The following ATP11A variants were observed in gnomAD, a reference collection of about 807,000 sequenced individuals.
The protein encoded by ATP11A is phospholipid-transporting ATPase IH.
ATP11A carries 81 observed loss-of-function variants against 154.4 expected under a neutral mutation model. The ratio of observed to expected loss-of-function variants is 0.52; its 90% CI spans 0.44 to 0.63. The LOEUF is 0.63. ATP11A is among the 30% of genes least tolerant of loss of function. ATP11A has a pLI of 0.00. For synonymous variants in ATP11A, 623 were observed against 585.9 expected (o/e 1.06, Z -0.91); for missense variants, 1,316 against 1,474.3 (o/e 0.89, Z 1.76).
intron 28 of ATP11A, among the ~76,000 whole-genome samples, chr13:112,877,400 C>G (rs1047509455): frequency 6.6e-6 from 1 of 152,224 alleles, no homozygotes; most frequent in African/African-American, 2.4e-5. Context: ...TGCAGTTCCA[C>G]AGCGGGCACA....
chr13:112,691,714 A>T (rs1331351283), intron 1 of ATP11A, among the ~76,000 whole-genome samples: 1 of 152,110 alleles, frequency 6.6e-6, no homozygotes, highest in African/African-American at 2.4e-5. Context: ...TTTCATATTT[A>T]TGAGCCTTCT....
Position 112,885,088 on chromosome 13 carries a change from C to T in ATP11A, c.*3222C>T, listed in dbSNP as rs1475536576. On this transcript the variant is annotated 3_prime_UTR_variant, in exon 30 of 30. Transcript: ENST00000375645. Reference sequence around the variant, plus strand: ...GAGCTCCTACACGCATACACACACACACGTGTACATGCACCAAAGCATGTG... The same window carrying T: ...GAGCTCCTACACGCATACACACACATACGTGTACATGCACCAAAGCATGTG... 6.6e-6 allele frequency: 1 copy of T among 152,224 alleles called. No individual in the cohort carries two copies. Among genetic ancestry groups the T allele is most frequent in the Non-Finnish European group, 1.5e-5 (1 of 68,072 alleles). The allele number at this position is 152,224 out of a possible 1,614,324, so 9.4% of individuals were successfully genotyped here. A position where few individuals can be genotyped will look rare whatever the true frequency, so the allele number is the denominator to read the frequency against.
At chr13:112,832,456 C>T (rs1436276841) in intron 13 of ATP11A, among the ~76,000 whole-genome samples, 1 of 152,200 alleles carries the variant, frequency 6.6e-6, no homozygotes, top group African/African-American at 2.4e-5. Context: ...AGGAGAACGT[C>T]CCCATCGCAC....
intron 2 of ATP11A, among the ~76,000 whole-genome samples, chr13:112,799,174 C>T (rs934672677): frequency 1.1e-4 from 17 of 152,164 alleles, no homozygotes; most frequent in African/African-American, 3.9e-4. Flanking sequence ...ACGGATAGAA[C>T]TGGAAAGAGA....
rs1254259278 is a variant in ATP11A, at chr13:112,875,036, C to T, written c.3162-740C>T. On this transcript the variant is annotated intron_variant, in intron 27 of 29. Coordinates refer to ENST00000375645, the MANE Select transcript of ATP11A (RefSeq NM_015205.3). The surrounding 1 kb of genome is among the most constrained non-coding windows in gnomAD (Gnocchi z 4.1). ...CACCGCTTGGTGATGAGACCCCATC[C>T]TCCTGCCCGCCACCAGCACCACGTG... Among the ~76,000 whole-genome samples, 2 of 152,334 alleles carry T rather than the reference C, an allele frequency of 1.3e-5. No individual in the cohort carries two copies. Among genetic ancestry groups the T allele is most frequent in the South Asian group, 2.1e-4 (1 of 4,826 alleles).
intron 5 of ATP11A, among the ~76,000 whole-genome samples, chr13:112,813,752 G>A (rs1031148000): frequency 1.3e-5 from 2 of 151,950 alleles, no homozygotes; most frequent in Middle Eastern, 3.2e-3. Context: ...CACCAGCACT[G>A]GGTGTTACTG....
chr13:112,795,988 C>T (rs2140097397), intron 2 of ATP11A, among the ~76,000 whole-genome samples: 1 of 152,256 alleles, frequency 6.6e-6, no homozygotes, highest in South Asian at 2.1e-4. Context: ...GTAAATATTT[C>T]CAGAATTTCG....
intron 24 of ATP11A, among the ~76,000 whole-genome samples, chr13:112,862,228 G>A (rs1248704862): frequency 2.0e-5 from 3 of 152,260 alleles, no homozygotes; most frequent in Non-Finnish European, 4.4e-5. Context: ...GAAAATATCT[G>A]AGCAAAAGTT....
chr13:112,800,156 A>G, intron 2 of ATP11A, among the ~76,000 whole-genome samples: 1 of 152,156 alleles, frequency 6.6e-6, no homozygotes, highest in East Asian at 1.9e-4. Context: ...TAGAACAGAA[A>G]TTAATGAAAT....
At chr13:112,704,669 C>T (rs1886950501) in intron 1 of ATP11A, among the ~76,000 whole-genome samples, 1 of 152,372 alleles carries the variant, frequency 6.6e-6, no homozygotes, top group South Asian at 2.1e-4. Flanking sequence ...TCTGTACCTG[C>T]TCAGGGACAG....
intron 9 of ATP11A, 29 bp downstream of exon 9, chr13:112,823,438 G>T (rs1372683955): frequency 6.4e-7 from 1 of 1,556,158 alleles, no homozygotes; most frequent in Non-Finnish European, 8.8e-7. Context: ...ATTAACCATT[G>T]CCCCTAACAT....
At chr13:112,789,597 G>C (rs1054669904) in intron 2 of ATP11A, among the ~76,000 whole-genome samples, 2 of 148,356 alleles carry the variant, frequency 1.3e-5, no homozygotes, top group Non-Finnish European at 3.0e-5. Context: ...CTGACGCGTA[G>C]ACCCCTGTGG....
chr13:112,820,064 G>C (rs1377635374), intron 8 of ATP11A, 114 bp downstream of exon 8: 1 of 1,062,894 alleles, frequency 9.4e-7, no homozygotes, highest in Non-Finnish European at 1.3e-6. Flanking sequence ...TTGGAAGGTG[G>C]AGTTCCGCTT....
intron 2 of ATP11A, among the ~76,000 whole-genome samples, chr13:112,798,354 A>G (rs1037811080): frequency 6.6e-6 from 1 of 152,196 alleles, no homozygotes. Flanking sequence ...ACGGGTTTAG[A>G]ACTTCTGGGC....
chr13:112,700,547 A>C (rs890453086), intron 1 of ATP11A, among the ~76,000 whole-genome samples: 3 of 152,334 alleles, frequency 2.0e-5, no homozygotes, highest in Non-Finnish European at 2.9e-5. Context: ...GGGTGGGCGC[A>C]GGCCTTGATG....
chr13:112,740,375 T>C (rs1007981549), intron 1 of ATP11A, among the ~76,000 whole-genome samples: 2 of 152,106 alleles, frequency 1.3e-5, no homozygotes, highest in Non-Finnish European at 2.9e-5. Context: ...GGTTTCGCCA[T>C]GTTGGCCAGG....
chr13:112,828,402 G>C (rs2079000355), intron 12 of ATP11A, among the ~76,000 whole-genome samples: 1 of 147,358 alleles, frequency 6.8e-6, no homozygotes, highest in African/African-American at 2.5e-5. Flanking sequence ...TTGAGTAGGG[G>C]GGAAAGCGCC....
chr13:112,741,303 C>T (rs1036653886), intron 1 of ATP11A, among the ~76,000 whole-genome samples: 7 of 140,500 alleles, frequency 5.0e-5, no homozygotes, highest in South Asian at 2.3e-4. Context: ...GAGCTGTAGT[C>T]GGGAGGGTTG....
chr13:112,757,563 C>CG (rs746743146), intron 1 of ATP11A, among the ~76,000 whole-genome samples: 5 of 152,202 alleles, frequency 3.3e-5, no homozygotes, highest in African/African-American at 4.8e-5. Context: ...TGATTTGAAT[C>CG]GGGAAAAGCA....
Sources: gnomAD v4.1 joint callset for allele counts (sites outside exome capture counted in the v4.1 genomes callset) on GRCh38, gnomAD v4.1.1 for gene constraint, Gnocchi (gnomAD v3.1) non-coding constraint, MANE v1.5 for transcripts, NCBI Gene and HGNC (gene_info 2026-07-23, HGNC 2026-07-21) for gene names.